Variants in PACRG observed in about 807,000 individuals in gnomAD.
PACRG encodes parkin coregulated, also known as parkin coregulated gene protein.
In PACRG, 29 loss-of-function variants were observed where a neutral mutation model predicts 29.7. The observed-to-expected ratio is 0.98, with a 90% CI of 0.73 to 1.33. The LOEUF is 1.33. PACRG is among the 40% of genes most tolerant of loss of function. The probability of loss-of-function intolerance (pLI) is 0.00; values close to 1 mark genes in which losing one functional copy is unlikely to be tolerated. For missense variants in PACRG, 279 were observed against 316.2 expected, an observed-to-expected ratio of 0.88 and a Z score of 0.89; for synonymous variants, 116 against 118.7, an observed-to-expected ratio of 0.98 and a Z score of 0.15.
rs142946840 is a variant in PACRG, at chr6:162,730,168, A to T, written c.156+1777A>T. 3.4e-3 allele frequency among the ~76,000 whole-genome samples: 510 copies of T among 152,224 alleles called. 2 individuals are homozygous for T. The highest frequency in any genetic ancestry group is 0.012 in the African/African-American group (480 of 41,538). Reference sequence around the variant, plus strand: ...TAGTACTCCGAGGAAAACCAAAATAACAACATTCAAATCTTGATAAAAGAA... The same window carrying T: ...TAGTACTCCGAGGAAAACCAAAATATCAACATTCAAATCTTGATAAAAGAA... On this transcript the variant is annotated intron_variant, in intron 1 of 4. Transcript: ENST00000366888.
At chr6:163,077,078 T>A (rs1449525277) in intron 3 of PACRG, among the ~76,000 whole-genome samples, 1 of 152,244 alleles carries the variant, frequency 6.6e-6, no homozygotes, top group African/African-American at 2.4e-5. Context: ...CATTTGGGCC[T>A]GCCACTGTAC....
intron 2 of PACRG, among the ~76,000 whole-genome samples, chr6:162,929,794 C>T (rs923670043): frequency 6.6e-6 from 1 of 151,854 alleles, no homozygotes; most frequent in African/African-American, 2.4e-5. Flanking sequence ...TTCTTCTGCA[C>T]ACACATGTCC....
intron 4 of PACRG, among the ~76,000 whole-genome samples, chr6:163,305,984 C>A (rs188515825): frequency 1.1e-4 from 16 of 152,224 alleles, no homozygotes; most frequent in Non-Finnish European, 1.6e-4. Context: ...TGAACCTTCC[C>A]GCCATCATTC....
intron 2 of PACRG, among the ~76,000 whole-genome samples, chr6:163,035,407 G>A (rs1409280566): frequency 6.6e-6 from 1 of 152,120 alleles, no homozygotes; most frequent in African/African-American, 2.4e-5. Context: ...TCAGCACTTT[G>A]GGAGGCCAAG....
intron 1 of PACRG, among the ~76,000 whole-genome samples, chr6:162,779,058 A>G (rs573831500): frequency 1.3e-5 from 2 of 151,962 alleles, no homozygotes; most frequent in African/African-American, 4.8e-5. Flanking sequence ...GCCCAATTGT[A>G]TGTTGTTCCC....
intron 4 of PACRG, among the ~76,000 whole-genome samples, chr6:163,151,433 G>C (rs977434345): frequency 2.0e-5 from 3 of 152,106 alleles, no homozygotes; most frequent in Non-Finnish European, 4.4e-5. Context: ...CGTCCTCATC[G>C]GCAGGCTTTT....
At chr6:162,867,471 C>T (rs547051428) in intron 2 of PACRG, among the ~76,000 whole-genome samples, 1 of 152,030 alleles carries the variant, frequency 6.6e-6, no homozygotes, top group Non-Finnish European at 1.5e-5. Context: ...AAGGGCTGTG[C>T]TGGCTTCTCC....
At chr6:162,912,441 G>C (rs888886374) in intron 2 of PACRG, among the ~76,000 whole-genome samples, 3 of 152,174 alleles carry the variant, frequency 2.0e-5, no homozygotes, top group Non-Finnish European at 4.4e-5. Context: ...AAGTATTGCG[G>C]TATCACCACA....
chr6:163,100,894 A>G (rs1562915655), intron 4 of PACRG: 2 of 984,486 alleles, frequency 2.0e-6, no homozygotes, highest in African/African-American at 1.7e-5. Flanking sequence ...TCTGTATTAT[A>G]TTCTCATGTA....
chr6:163,130,962 C>T (rs1816709795), intron 4 of PACRG, among the ~76,000 whole-genome samples: 2 of 152,180 alleles, frequency 1.3e-5, no homozygotes, highest in South Asian at 4.1e-4. Context: ...TAAGGTCCTA[C>T]TGGAGTCGAG....
At chr6:163,207,038 C>A (rs949196529) in intron 4 of PACRG, among the ~76,000 whole-genome samples, 1 of 152,036 alleles carries the variant, frequency 6.6e-6, no homozygotes, top group African/African-American at 2.4e-5. Context: ...GATTTTATTT[C>A]TTTTCTTAAT....
chr6:162,984,857 G>C (rs1802744145), intron 2 of PACRG, among the ~76,000 whole-genome samples: 2 of 108,750 alleles, frequency 1.8e-5, no homozygotes, highest in Admixed American at 9.1e-5. Flanking sequence ...TGATGCGATT[G>C]GTTTTTTTTT....
intron 4 of PACRG, among the ~76,000 whole-genome samples, chr6:163,244,380 C>T (rs1382023572): frequency 6.6e-6 from 1 of 152,032 alleles, no homozygotes; most frequent in Non-Finnish European, 1.5e-5. Context: ...GCCAAGGAGA[C>T]CTAACGTGTG....
chr6:163,126,858 A>G lies in PACRG; in HGVS notation c.613+37450A>G, dbSNP rs181825476. Among the ~76,000 whole-genome samples, 22 of 152,346 alleles carry G rather than the reference A, an allele frequency of 1.4e-4. No individual in the cohort carries two copies. The East Asian group carries it at 3.3e-3, about 23-fold the overall frequency. The stretch of plus-strand genomic sequence containing the variant: ...TTTTGCTCAGCTCTGAGCTGCTGGC[A>G]GGTGTTGACCCGAAGGGGAGTCTAT... On this transcript the variant is annotated intron_variant, in intron 4 of 4. Coordinates refer to ENST00000366888, the MANE Select transcript of PACRG (RefSeq NM_001080379.2).
At chr6:162,946,800 G>A (rs572926909) in intron 2 of PACRG, among the ~76,000 whole-genome samples, 73 of 152,070 alleles carry the variant, frequency 4.8e-4, no homozygotes, top group Non-Finnish European at 8.1e-4. Context: ...GATTTATCCC[G>A]GGGATGAAAG....
intron 2 of PACRG, chr6:162,892,078 C>T (rs1235477083): frequency 6.6e-6 from 1 of 152,304 alleles, no homozygotes; most frequent in African/African-American, 2.4e-5. Context: ...CCCCTGACCT[C>T]CACTCAGGGC....
intron 2 of PACRG, among the ~76,000 whole-genome samples, chr6:162,952,914 T>C (rs1434453466): frequency 2.6e-5 from 4 of 152,224 alleles, no homozygotes; most frequent in Non-Finnish European, 5.9e-5. Context: ...CTGATAAATA[T>C]GTGAATTTTT....
chr6:163,202,733 A>T (rs184764995), intron 4 of PACRG, among the ~76,000 whole-genome samples: 1 of 151,270 alleles, frequency 6.6e-6, no homozygotes, highest in Non-Finnish European at 1.5e-5. Flanking sequence ...ATCCATACCA[A>T]AAAAAAGTAA....
chr6:163,102,488 T>A (rs1453298791), intron 4 of PACRG, among the ~76,000 whole-genome samples: 4 of 152,160 alleles, frequency 2.6e-5, no homozygotes, highest in African/African-American at 9.7e-5. Flanking sequence ...CCTGGGAAGA[T>A]CCCAAGGAGA....
Sources: allele counts gnomAD v4.1 joint callset (sites outside exome capture counted in the v4.1 genomes callset), GRCh38; gene constraint gnomAD v4.1.1; transcripts MANE v1.5; gene names NCBI Gene and HGNC (gene_info 2026-07-23, HGNC 2026-07-21).